Variants in SDK1 observed in about 807,000 individuals in gnomAD.
SDK1 encodes the protein sidekick cell adhesion molecule 1.
A neutral mutation model predicts 245.5 loss-of-function variants in SDK1; 157 were observed. That is an observed-to-expected ratio of 0.64 (90% CI 0.56 to 0.73). The LOEUF (loss-of-function observed/expected upper bound fraction) is 0.73. Ranked by LOEUF, SDK1 falls within the 30% of genes least tolerant of loss-of-function variation. The probability of loss-of-function intolerance (pLI) is 0.00; values close to 1 mark genes in which losing one functional copy is unlikely to be tolerated. For missense variants in SDK1, 3,583 were observed against 3,002.3 expected (o/e 1.19, Z -4.52); for synonymous variants, 1,647 against 1,278.5 (o/e 1.29, Z -6.15).
intron 13 of SDK1, among the ~76,000 whole-genome samples, chr7:3,975,936 TCCCGGGGC>T (rs1782913015): frequency 1.4e-5 from 2 of 140,248 alleles, no homozygotes; most frequent in Admixed American, 7.2e-5. Flanking sequence ...TCACTGAGGG[TCCCGGGGC>T]TGAGGCTGCC....
chr7:3,690,539 A>G (rs1484863554), intron 4 of SDK1, among the ~76,000 whole-genome samples: 1 of 152,176 alleles, frequency 6.6e-6, no homozygotes, highest in Non-Finnish European at 1.5e-5. Flanking sequence ...CATTTAGGAT[A>G]AAGAGAAACC....
chr7:3,588,009 A>T (rs528503421), intron 1 of SDK1, among the ~76,000 whole-genome samples: 1 of 152,218 alleles, frequency 6.6e-6, no homozygotes, highest in Non-Finnish European at 1.5e-5. Context: ...GGGTAAATCA[A>T]TTCTTTGTAA....
At chr7:3,713,513 C>A (rs570739561) in intron 4 of SDK1, among the ~76,000 whole-genome samples, 5 of 152,320 alleles carry the variant, frequency 3.3e-5, no homozygotes, top group South Asian at 2.1e-4. Flanking sequence ...GTCTCTCCCC[C>A]ACCCGCAGCA....
At chr7:3,806,334 C>CCTTGGGGG (rs1779244649) in intron 4 of SDK1, among the ~76,000 whole-genome samples, 2 of 130,620 alleles carry the variant, frequency 1.5e-5, no homozygotes, top group African/African-American at 8.1e-5. Flanking sequence ...ATGTGGATGT[C>CCTTGGGGG]CACATTAGGA....
intron 26 of SDK1, among the ~76,000 whole-genome samples, chr7:4,129,265 A>G (rs866007173): frequency 0.097 from 4,470 of 46,006 alleles, no homozygotes; most frequent in Middle Eastern, 0.17. Flanking sequence ...GAGGAGAGCA[A>G]CTTGGGGTTG....
chr7:3,742,892 TG>T (rs1779515710), intron 4 of SDK1, among the ~76,000 whole-genome samples: 1 of 152,172 alleles, frequency 6.6e-6, no homozygotes, highest in South Asian at 2.1e-4. Flanking sequence ...AAGGAATTTT[TG>T]CAAGCAAAGA....
At position 3,984,281 on chromosome 7, in the gene SDK1, C is replaced by G. The variant is rs377370263; in HGVS notation, c.1995-2905C>G. Among the ~76,000 whole-genome samples, 292 of 152,186 alleles carry G rather than the reference C, an allele frequency of 1.9e-3. 1 individual carries two copies. The highest frequency in any genetic ancestry group is 0.014 in the Middle Eastern group (4 of 294). On this transcript the variant is annotated intron_variant, in intron 13 of 44. Transcript: ENST00000404826. ...GGACAGAAGCTGCCCCGTGAGTAGC[C>G]TCCATTTAAGTGAGTGTCTGCAAAG...
chr7:3,420,406 C>T (rs1779504329), intron 1 of SDK1, among the ~76,000 whole-genome samples: 1 of 152,140 alleles, frequency 6.6e-6, no homozygotes. Context: ...TCCTTTCTCA[C>T]CAATTTTTCT....
At chr7:3,419,041 C>T (rs377080300) in intron 1 of SDK1, among the ~76,000 whole-genome samples, 2 of 152,206 alleles carry the variant, frequency 1.3e-5, no homozygotes, top group African/African-American at 4.8e-5. Flanking sequence ...TTAAAGATGA[C>T]ATTTACATGG....
At chr7:3,364,800 T>C (rs1781047085) in intron 1 of SDK1, among the ~76,000 whole-genome samples, 1 of 152,200 alleles carries the variant, frequency 6.6e-6, no homozygotes, top group East Asian at 1.9e-4. Flanking sequence ...TACACTTTTC[T>C]GTATCTAGAA....
intron 1 of SDK1, among the ~76,000 whole-genome samples, chr7:3,320,325 TTGAAC>T (rs1779772282): frequency 1.3e-5 from 2 of 152,080 alleles, no homozygotes; most frequent in South Asian, 4.2e-4. Flanking sequence ...TATACATACT[TTGAAC>T]TGTGGAGATA....
chr7:3,301,277 GGGCGGCGGC>G lies in SDK1; in HGVS notation c.-300_-292del, dbSNP rs540876108. Among the ~76,000 whole-genome samples, 2 of 145,758 alleles carry G rather than the reference GGGCGGCGGC, an allele frequency of 1.4e-5. No homozygotes were observed. The highest frequency in any genetic ancestry group is 4.2e-4 in the South Asian group (2 of 4,774). ...GCACTTTCTTCTCAGCGCCGGGCGG[GGGCGGCGGC>G]GGCGGCGGCTCCTCCGCGCCCGGCG... On this transcript the variant is annotated 5_prime_UTR_variant, in exon 1 of 45. Coordinates refer to ENST00000404826, the MANE Select transcript of SDK1 (RefSeq NM_152744.4).
At position 3,620,677 on chromosome 7, in the gene SDK1, A is replaced by T. The variant is rs569766444; in HGVS notation, c.458+1438A>T. Among the ~76,000 whole-genome samples the T allele has an allele frequency of 7.9e-5, 12 of 152,250 alleles. No individual in the cohort carries two copies. In the East Asian group the frequency reaches 1.4e-3, roughly 17 times the overall value. Reference sequence around the variant, plus strand: ...GCTTCCCAGCCTCTGCAGACCAGTCAGAAGGCCTGGCTGCCTGGTCTGCAG... The same window carrying T: ...GCTTCCCAGCCTCTGCAGACCAGTCTGAAGGCCTGGCTGCCTGGTCTGCAG... On this transcript the variant is annotated intron_variant, in intron 2 of 44. Coordinates refer to ENST00000404826, the MANE Select transcript of SDK1 (RefSeq NM_152744.4).
At chr7:4,058,490 G>A (rs1014517381) in intron 19 of SDK1, among the ~76,000 whole-genome samples, 3 of 152,096 alleles carry the variant, frequency 2.0e-5, no homozygotes, top group African/African-American at 7.2e-5. Flanking sequence ...CCAGATATGG[G>A]AGGCTCAGAG....
intron 4 of SDK1, among the ~76,000 whole-genome samples, chr7:3,785,206 G>A (rs377290368): frequency 1.3e-3 from 192 of 152,176 alleles, no homozygotes; most frequent in African/African-American, 4.5e-3. Context: ...AGGGTGGGGG[G>A]AATAGGGAGG....
At chr7:3,947,837 C>G (rs1184067318) in intron 5 of SDK1, among the ~76,000 whole-genome samples, 1 of 151,928 alleles carries the variant, frequency 6.6e-6, no homozygotes, top group African/African-American at 2.4e-5. Flanking sequence ...TGGCTAAAAA[C>G]AAGACATAGC....
intron 5 of SDK1, among the ~76,000 whole-genome samples, chr7:3,901,414 T>C (rs1471099544): frequency 6.6e-6 from 1 of 152,122 alleles, no homozygotes; most frequent in African/African-American, 2.4e-5. Flanking sequence ...TCTCGATCTC[T>C]TGACCTTGTA....
intron 14 of SDK1, among the ~76,000 whole-genome samples, chr7:3,994,487 A>T (rs983478137): frequency 1.3e-4 from 19 of 151,904 alleles, no homozygotes; most frequent in Admixed American, 9.2e-4. Flanking sequence ...ACAAAAAATT[A>T]AAAAATTAGC....
intron 1 of SDK1, among the ~76,000 whole-genome samples, chr7:3,382,199 G>C (rs2128567341): frequency 6.6e-6 from 1 of 151,470 alleles, no homozygotes; most frequent in South Asian, 2.1e-4. Context: ...TCCAACTCCT[G>C]GGCTCAAGTG....
Sources: gnomAD v4.1 joint callset for allele counts (sites outside exome capture counted in the v4.1 genomes callset) on GRCh38, gnomAD v4.1.1 for gene constraint, MANE v1.5 for transcripts, NCBI Gene and HGNC (gene_info 2026-07-23, HGNC 2026-07-21) for gene names.